ZCCHC7: variants seen among roughly 807,000 people sequenced by gnomAD.
ZCCHC7 encodes the protein zinc finger CCHC-type containing 7, also known as zinc finger CCHC domain-containing protein 7.
In ZCCHC7, 35 loss-of-function variants were observed where a neutral mutation model predicts 52.0. That is an observed-to-expected ratio of 0.67 (90% CI 0.51 to 0.89). ZCCHC7 has a LOEUF of 0.89. Among genes scored for constraint, ZCCHC7 ranks in the 40% least tolerant of loss-of-function variants. The pLI is 0.00. For synonymous variants in ZCCHC7, 217 were observed against 221.5 expected, an observed-to-expected ratio of 0.98 and a Z score of 0.18; for missense variants, 574 against 649.1, an observed-to-expected ratio of 0.88 and a Z score of 1.26.
intron 2 of ZCCHC7, among the ~76,000 whole-genome samples, chr9:37,264,670 A>G (rs185054848): frequency 2.0e-5 from 3 of 152,342 alleles, no homozygotes; most frequent in African/African-American, 7.2e-5. Flanking sequence ...TTCTTGATAC[A>G]TAATTGGTTT....
At chr9:37,323,095 T>G (rs2118058537) in intron 5 of ZCCHC7, among the ~76,000 whole-genome samples, 1 of 152,302 alleles carries the variant, frequency 6.6e-6, no homozygotes, top group South Asian at 2.1e-4. Context: ...GACACAGAGA[T>G]ATATAACTTG....
At chr9:37,256,698 C>T (rs1340615261) in intron 2 of ZCCHC7, among the ~76,000 whole-genome samples, 1 of 152,062 alleles carries the variant, frequency 6.6e-6, no homozygotes, top group Non-Finnish European at 1.5e-5. Flanking sequence ...CCACATGACC[C>T]ATTCATTATG....
intron 2 of ZCCHC7, among the ~76,000 whole-genome samples, chr9:37,226,793 C>A (rs1486336602): frequency 6.6e-6 from 1 of 152,056 alleles, no homozygotes; most frequent in Non-Finnish European, 1.5e-5. Flanking sequence ...CACTTTGAGA[C>A]ACCGAGGCGG....
intron 2 of ZCCHC7, among the ~76,000 whole-genome samples, chr9:37,151,876 T>C (rs1820549700): frequency 6.6e-6 from 1 of 152,202 alleles, no homozygotes; most frequent in Non-Finnish European, 1.5e-5. Flanking sequence ...GAATGTAAAC[T>C]TAGATCCTGT....
chr9:37,157,501 A>G (rs1388123765), intron 2 of ZCCHC7, among the ~76,000 whole-genome samples: 3 of 152,090 alleles, frequency 2.0e-5, no homozygotes, highest in Non-Finnish European at 2.9e-5. Context: ...CAAAAAAAAG[A>G]AGTTAACCTA....
chr9:37,234,536 T>G (rs1479150074), intron 2 of ZCCHC7, among the ~76,000 whole-genome samples: 1 of 152,202 alleles, frequency 6.6e-6, no homozygotes, highest in East Asian at 1.9e-4. Flanking sequence ...CTAATGGGGA[T>G]GCAGTGAAGT....
At chr9:37,192,424 T>C (rs1324820310) in intron 2 of ZCCHC7, among the ~76,000 whole-genome samples, 1 of 152,236 alleles carries the variant, frequency 6.6e-6, no homozygotes, top group Non-Finnish European at 1.5e-5. Context: ...CCATATTTTC[T>C]TCTTTAGATC....
intron 2 of ZCCHC7, among the ~76,000 whole-genome samples, chr9:37,293,870 A>C (rs1828656591): frequency 6.6e-6 from 1 of 152,116 alleles, no homozygotes; most frequent in Non-Finnish European, 1.5e-5. Context: ...CCCTCTGCTA[A>C]GCACCTGTAT....
chr9:37,336,282 T>C (rs547570335), intron 6 of ZCCHC7, among the ~76,000 whole-genome samples: 1 of 152,314 alleles, frequency 6.6e-6, no homozygotes, highest in African/African-American at 2.4e-5. Context: ...ACTTAAGCAC[T>C]TTATCAGTAC....
At chr9:37,270,419 G>A (rs1225375902) in intron 2 of ZCCHC7, among the ~76,000 whole-genome samples, 1 of 151,790 alleles carries the variant, frequency 6.6e-6, no homozygotes, top group Non-Finnish European at 1.5e-5. Flanking sequence ...GGCTGGGCGC[G>A]GTGGCTCATG....
At chr9:37,200,011 C>A (rs1286499063) in intron 2 of ZCCHC7, among the ~76,000 whole-genome samples, 3 of 152,138 alleles carry the variant, frequency 2.0e-5, no homozygotes, top group Non-Finnish European at 4.4e-5. Context: ...AGGACTGTTT[C>A]TTTTTCTTAC....
intron 5 of ZCCHC7, among the ~76,000 whole-genome samples, chr9:37,320,360 G>A (rs984929997): frequency 6.6e-6 from 1 of 152,196 alleles, no homozygotes; most frequent in African/African-American, 2.4e-5. Context: ...TTAGAGGCAT[G>A]AGCCACCGCA....
chr9:37,127,100 A>G (rs1842574794), intron 2 of ZCCHC7, among the ~76,000 whole-genome samples, 158 bp downstream of exon 2: 1 of 152,076 alleles, frequency 6.6e-6, no homozygotes. Context: ...ACCAGTGGCT[A>G]CTCTAATGGT....
At chr9:37,151,276 T>C (rs1006492758) in intron 2 of ZCCHC7, among the ~76,000 whole-genome samples, 1 of 152,170 alleles carries the variant, frequency 6.6e-6, no homozygotes, top group Non-Finnish European at 1.5e-5. Context: ...GATTTATCTA[T>C]TTCTTTTTTC....
At chr9:37,277,992 C>CA (rs906650771) in intron 2 of ZCCHC7, among the ~76,000 whole-genome samples, 63 of 126,742 alleles carry the variant, frequency 5.0e-4, no homozygotes, top group South Asian at 7.7e-4. Context: ...ATTAGAAAAT[C>CA]AAAAAAAAAA....
At chr9:37,258,131 A>G (rs2133429524) in intron 2 of ZCCHC7, among the ~76,000 whole-genome samples, 1 of 152,202 alleles carries the variant, frequency 6.6e-6, no homozygotes, top group East Asian at 1.9e-4. Context: ...AGGATATCTC[A>G]TCATACCCCC....
intron 2 of ZCCHC7, among the ~76,000 whole-genome samples, chr9:37,153,625 TTTC>T (rs777588069): frequency 5.4e-5 from 8 of 147,758 alleles, no homozygotes; most frequent in East Asian, 2.0e-4. Flanking sequence ...TCTTTCTTTC[TTTC>T]TTTTTTTTTT....
chr9:37,147,795 T>A (rs189090385), intron 2 of ZCCHC7, among the ~76,000 whole-genome samples: 1 of 152,170 alleles, frequency 6.6e-6, no homozygotes, highest in Admixed American at 6.5e-5. Flanking sequence ...GATCAAACAT[T>A]TGTGGCTTTT....
chr9:37,186,872 C>T (rs576481300), intron 2 of ZCCHC7: 60 of 340,998 alleles, frequency 1.8e-4, no homozygotes, highest in Middle Eastern at 3.6e-4. Flanking sequence ...AACCTAACTG[C>T]GATTTATAAA....
Sources: allele counts gnomAD v4.1 joint callset (sites outside exome capture counted in the v4.1 genomes callset), GRCh38; gene constraint gnomAD v4.1.1; transcripts MANE v1.5; gene names NCBI Gene and HGNC (gene_info 2026-07-23, HGNC 2026-07-21).